Variants in STUM observed in about 807,000 individuals in gnomAD.
STUM encodes the protein stum, mechanosensory transduction mediator homolog.
Under a neutral mutation model 15.3 loss-of-function variants are expected in STUM, and 8 were observed. That is an observed-to-expected ratio of 0.52 (90% CI 0.31 to 0.94). STUM has a LOEUF of 0.94. Among genes scored for constraint, STUM ranks in the 40% least tolerant of loss-of-function variants. The probability of loss-of-function intolerance (pLI) is 0.05; values close to 1 mark genes in which losing one functional copy is unlikely to be tolerated. For missense variants in STUM, 142 were observed against 204.9 expected (o/e 0.69, Z 1.87); for synonymous variants, 78 against 88.7 (o/e 0.88, Z 0.68).
rs150535109 is a variant in STUM at position 226,607,226 on chromosome 1, A to G, written c.*5186A>G. ...CATCAATCAGTTTTCTTCCTGCAAG[A>G]TTCTTAGAGCTGGATGTTCACGGGA... On this transcript the variant is annotated 3_prime_UTR_variant, in exon 4 of 4. Coordinates refer to ENST00000366788, the MANE Select transcript of STUM (RefSeq NM_001003665.4). The G allele has an allele frequency of 6.6e-6, 1 of 152,462 alleles. No homozygotes were observed. Among genetic ancestry groups the G allele is most frequent in the East Asian group, 1.9e-4 (1 of 5,190 alleles). 9.4% of individuals were successfully genotyped at this position (152,462 alleles called of 1,614,324 possible).
At chr1:226,601,232 T>A (rs1375577095) in intron 3 of STUM, among the ~76,000 whole-genome samples, 1 of 152,096 alleles carries the variant, frequency 6.6e-6, no homozygotes, top group East Asian at 1.9e-4. Flanking sequence ...GTTCAAGCGA[T>A]TCTCCTGCCT....
At chr1:226,558,579 C>T (rs1418580906) in intron 1 of STUM, among the ~76,000 whole-genome samples, 3 of 152,174 alleles carry the variant, frequency 2.0e-5, no homozygotes, top group African/African-American at 7.2e-5. Flanking sequence ...ACTGTACTCC[C>T]CAAACCCTGG....
At chr1:226,550,701 C>A (rs776584381) in intron 1 of STUM, among the ~76,000 whole-genome samples, 1 of 151,956 alleles carries the variant, frequency 6.6e-6, no homozygotes, top group Non-Finnish European at 1.5e-5. Context: ...CACTGCTGCA[C>A]GAGGAAACCA....
At chr1:226,572,486 A>T (rs778946340) in intron 1 of STUM, among the ~76,000 whole-genome samples, 1 of 152,064 alleles carries the variant, frequency 6.6e-6, no homozygotes, top group Non-Finnish European at 1.5e-5. Context: ...CCTCGGGGAG[A>T]TGGAAAGGGG....
intron 1 of STUM, among the ~76,000 whole-genome samples, chr1:226,560,725 C>A (rs966186544): frequency 5.9e-5 from 9 of 152,134 alleles, no homozygotes; most frequent in Non-Finnish European, 7.4e-5. Context: ...GGAAGTGGGT[C>A]CCCTGGGTCA....
At position 226,561,131 on chromosome 1, in the gene STUM, A is replaced by G. The variant is rs116846143; in HGVS notation, c.202+12025A>G. Reference sequence around the variant, plus strand: ...CTTCCTCAGAATGGTCAGGTCATGTAGGACGTTCCTCTTGCTCTCCTTGAG... The same window carrying G: ...CTTCCTCAGAATGGTCAGGTCATGTGGGACGTTCCTCTTGCTCTCCTTGAG... On this transcript the variant is annotated intron_variant, in intron 1 of 3. Coordinates refer to ENST00000366788, the MANE Select transcript of STUM (RefSeq NM_001003665.4). Among the ~76,000 whole-genome samples, 3 of 152,266 alleles carry G rather than the reference A, an allele frequency of 2.0e-5. No homozygotes were observed. The East Asian group carries it at 5.8e-4, about 30-fold the overall frequency.
At chr1:226,592,922 G>A (rs987431353) in intron 1 of STUM, among the ~76,000 whole-genome samples, 3 of 151,810 alleles carry the variant, frequency 2.0e-5, no homozygotes, top group Non-Finnish European at 4.4e-5. Context: ...GCGGTGGCTC[G>A]CGCCTGTAAT....
chr1:226,551,249 GC>G (rs1667372150), intron 1 of STUM, among the ~76,000 whole-genome samples: 1 of 152,160 alleles, frequency 6.6e-6, no homozygotes, highest in Non-Finnish European at 1.5e-5. Context: ...ATTACATAAA[GC>G]CCAGCGTCTG....
Position 226,552,320 on chromosome 1 carries a change from T to A in STUM, c.202+3214T>A, listed in dbSNP as rs1465198764. ...AACAATGAAAAACAATTTTTACAAG[T>A]GGACATTAGTAAAGAGAGTCACCTC... is the stretch of plus-strand genomic sequence containing the variant. On this transcript the variant is annotated intron_variant, in intron 1 of 3. Coordinates refer to ENST00000366788, the MANE Select transcript of STUM (RefSeq NM_001003665.4). The surrounding 1 kb of genome is among the most constrained non-coding windows in gnomAD (Gnocchi z 4.7). 1.3e-5 allele frequency among the ~76,000 whole-genome samples: 2 copies of A among 152,156 alleles called. No individual in the cohort carries two copies.
At position 226,592,049 on chromosome 1, in the gene STUM, T is replaced by G. The variant is rs185630880; in HGVS notation, c.203-4753T>G. 1.5e-3 allele frequency among the ~76,000 whole-genome samples: 224 copies of G among 152,268 alleles called. 3 individuals carry two copies. The highest frequency in any genetic ancestry group is 1.0e-3 in the African/African-American group (42 of 41,556). On this transcript the variant is annotated intron_variant, in intron 1 of 3. Coordinates refer to ENST00000366788, the MANE Select transcript of STUM (RefSeq NM_001003665.4). ...TTCTTTCCTTATTATTATTAATTTT[T>G]TTGTTGTTGTTGTTTTATGATGGAG... is the stretch of plus-strand genomic sequence containing the variant.
chr1:226,598,276 T>C (rs1393795640), intron 2 of STUM, among the ~76,000 whole-genome samples: 1 of 152,132 alleles, frequency 6.6e-6, no homozygotes, highest in Non-Finnish European at 1.5e-5. Context: ...CCTGACCCTG[T>C]TCCCAGCTGG....
intron 1 of STUM, among the ~76,000 whole-genome samples, chr1:226,558,835 G>C (rs1401164656): frequency 3.3e-5 from 5 of 152,186 alleles, no homozygotes; most frequent in Non-Finnish European, 2.9e-5. Flanking sequence ...ACTTGGTGGT[G>C]GTTTATAGCA....
rs1668251824 is a variant in STUM, at chr1:226,600,814, G to A, written c.391+140G>A. On this transcript the variant is annotated intron_variant, in intron 3 of 3. Coordinates refer to ENST00000366788, the MANE Select transcript of STUM (RefSeq NM_001003665.4). This position sits in a 1 kb window ranked among gnomAD's most constrained non-coding sequence, Gnocchi z 5.2. ...GCTTTTATGTTTAGCTTGAACTTTT[G>A]GTTTGGAAAATGCTTAAACATAGAC... The A allele has an allele frequency of 3.1e-6, 3 of 959,616 alleles. No individual in the cohort carries two copies. Among genetic ancestry groups the A allele is most frequent in the Non-Finnish European group, 4.8e-6 (3 of 628,046 alleles). 59.4% of individuals were successfully genotyped at this position (959,616 alleles called of 1,614,324 possible).
chr1:226,556,702 T>C (rs949782472), intron 1 of STUM, among the ~76,000 whole-genome samples: 2 of 152,204 alleles, frequency 1.3e-5, no homozygotes, highest in African/African-American at 4.8e-5. Context: ...AGCCTCAGTC[T>C]TCTCACTTGT....
chr1:226,589,617 G>C (rs1668053061), intron 1 of STUM, among the ~76,000 whole-genome samples: 1 of 152,200 alleles, frequency 6.6e-6, no homozygotes, highest in South Asian at 2.1e-4. Flanking sequence ...CCACATGTCT[G>C]TGCCTAAGTC....
chr1:226,585,042 A>G (rs1667974942), intron 1 of STUM, among the ~76,000 whole-genome samples: 1 of 152,258 alleles, frequency 6.6e-6, no homozygotes, highest in Admixed American at 6.5e-5. Flanking sequence ...CACTCGAAGC[A>G]CTTGCCCATC....
intron 1 of STUM, among the ~76,000 whole-genome samples, chr1:226,568,948 G>A (rs1459236097): frequency 6.6e-6 from 1 of 152,174 alleles, no homozygotes; most frequent in Non-Finnish European, 1.5e-5. Flanking sequence ...GTCCTTGTAG[G>A]GTCCCTAGCA....
Position 226,580,083 on chromosome 1 carries a change from G to T in STUM, c.203-16719G>T, listed in dbSNP as rs543448805. Among the ~76,000 whole-genome samples, 4 of 152,118 alleles carry T rather than the reference G, an allele frequency of 2.6e-5. No homozygotes were observed. The South Asian group carries it at 8.3e-4, about 32-fold the overall frequency. ...TGATGGGAACTTGAACTAGGAGGCGGTGTTAGCAGAGACAAAGTGGGTGGA... is the reference window on the plus strand; with the variant it reads ...TGATGGGAACTTGAACTAGGAGGCGTTGTTAGCAGAGACAAAGTGGGTGGA... On this transcript the variant is annotated intron_variant, in intron 1 of 3. Coordinates refer to ENST00000366788, the MANE Select transcript of STUM (RefSeq NM_001003665.4).
chr1:226,549,023 G>GC lies in STUM; in HGVS notation c.124dup (p.Leu42ProfsTer115). The GC allele has an allele frequency of 6.3e-7, 1 of 1,582,120 alleles. No homozygotes were observed. The highest frequency in any genetic ancestry group is 1.1e-5 in the South Asian group (1 of 87,210). ...GTGGTGCAGGTCCGCGAGAAGAAGG[G>GC]CCCCCTGCGCGCCGCCATCCCCTAC... On this transcript the variant is annotated frameshift_variant, in exon 1 of 4. Transcript: ENST00000366788. LOFTEE classifies it high-confidence loss of function. The surrounding 1 kb of genome is among the most constrained non-coding windows in gnomAD (Gnocchi z 6.8).
Sources: gnomAD v4.1 joint callset for allele counts (sites outside exome capture counted in the v4.1 genomes callset) on GRCh38, gnomAD v4.1.1 for gene constraint, Gnocchi (gnomAD v3.1) non-coding constraint, MANE v1.5 for transcripts, NCBI Gene and HGNC (gene_info 2026-07-23, HGNC 2026-07-21) for gene names.